The following MAGI1 variants were observed in gnomAD, a reference collection of about 807,000 sequenced individuals.
MAGI1 encodes membrane associated guanylate kinase, WW and PDZ domain containing 1, also known as membrane-associated guanylate kinase, WW and PDZ domain-containing protein 1.
Under a neutral mutation model 139.9 loss-of-function variants are expected in MAGI1, and 58 were observed. The ratio of observed to expected loss-of-function variants is 0.41; its 90% CI spans 0.34 to 0.52. MAGI1 has a LOEUF of 0.52. Ranked by LOEUF, MAGI1 falls within the 20% of genes least tolerant of loss-of-function variation. The pLI is 0.12. For synonymous variants in MAGI1, 812 were observed against 737.9 expected, an observed-to-expected ratio of 1.10 and a Z score of -1.63; for missense variants, 1,874 against 1,901.6, an observed-to-expected ratio of 0.99 and a Z score of 0.27.
intron 1 of MAGI1, among the ~76,000 whole-genome samples, chr3:65,709,134 A>G (rs546324445): frequency 6.6e-6 from 1 of 152,226 alleles, no homozygotes; most frequent in Non-Finnish European, 1.5e-5. Context: ...TATATACACT[A>G]CATGGCCGTT....
At chr3:65,579,215 C>T (rs150930264) in intron 2 of MAGI1, among the ~76,000 whole-genome samples, 1 of 152,220 alleles carries the variant, frequency 6.6e-6, no homozygotes, top group African/African-American at 2.4e-5. Flanking sequence ...GATAAGGTAA[C>T]AGAGGCTTAG....
intron 1 of MAGI1, among the ~76,000 whole-genome samples, chr3:65,981,120 CCAGCCTGGGTGA>C (rs1168452761): frequency 6.8e-6 from 1 of 146,422 alleles, no homozygotes; most frequent in Non-Finnish European, 1.5e-5. Flanking sequence ...CCACTGCACT[CCAGCCTGGGTGA>C]CAGAGTGAGA....
chr3:65,805,963 T>A (rs2040828289), intron 1 of MAGI1, among the ~76,000 whole-genome samples: 1 of 152,004 alleles, frequency 6.6e-6, no homozygotes, highest in Non-Finnish European at 1.5e-5. Context: ...AAGGAGAGCA[T>A]CAGGATAAAT....
At chr3:65,877,879 G>A (rs1471588220) in intron 1 of MAGI1, among the ~76,000 whole-genome samples, 8 of 152,124 alleles carry the variant, frequency 5.3e-5, no homozygotes, top group Admixed American at 5.2e-4. Flanking sequence ...AGTCAAGGTA[G>A]GAGGACTGCT....
At position 65,530,624 on chromosome 3, in the gene MAGI1, GGTGTGTGTGTGTGTGTGTGTGT is replaced by G. The variant is rs57337916; in HGVS notation, c.431-37015_431-36994del. Reference sequence around the variant, plus strand: ...GCAAGACACATACGTATGTGTGTGTGGTGTGTGTGTGTGTGTGTGTGTGTGTGTGTGTGTGTGTATATATATA... The same window carrying G: ...GCAAGACACATACGTATGTGTGTGTGGTGTGTGTGTGTGTGTATATATATA... On this transcript the variant is annotated intron_variant, in intron 2 of 22. Transcript: ENST00000402939. 7.4e-3 allele frequency among the ~76,000 whole-genome samples: 955 copies of G among 129,284 alleles called. 39 individuals are homozygous for G. Among genetic ancestry groups the G allele is most frequent in the African/African-American group, 0.03 (929 of 31,266 alleles). The allele number at this position is 129,284 out of a possible 152,430, so 84.8% of individuals were successfully genotyped here. A position where few individuals can be genotyped will look rare whatever the true frequency, so the allele number is the denominator to read the frequency against.
At chr3:65,896,645 A>AG (rs2060981849) in intron 1 of MAGI1, among the ~76,000 whole-genome samples, 2 of 152,178 alleles carry the variant, frequency 1.3e-5, no homozygotes, top group Admixed American at 6.5e-5. Flanking sequence ...ACTGCACTCC[A>AG]GGCAGGGCAT....
chr3:65,689,358 CAA>C (rs1370402813), intron 1 of MAGI1, among the ~76,000 whole-genome samples: 2 of 152,148 alleles, frequency 1.3e-5, no homozygotes, highest in Non-Finnish European at 2.9e-5. Flanking sequence ...TCAATTCTAC[CAA>C]AGTGTCCCAC....
chr3:65,429,634 G>A lies in MAGI1; in HGVS notation c.2053C>T (p.Leu685Phe). 6.2e-7 allele frequency: 1 copy of A among 1,613,898 alleles called. No homozygotes were observed. The highest frequency in any genetic ancestry group is 8.5e-7 in the Non-Finnish European group (1 of 1,179,930). The stretch of plus-strand genomic sequence containing the variant: ...TTCTTCTTATTAACTTCCACTATGA[G>A]ATCCCCTTCTTTCAGGCCTCGGCAC... The part of the protein sequence containing the change: ...PRCRGLKEGD[L>F]IVEVNKKNVQ... Residue 685 changes from leucine (L) to phenylalanine (F), a missense_variant, in exon 12 of 23, where the codon CTC becomes TTC. Transcript: ENST00000402939.
intron 1 of MAGI1, among the ~76,000 whole-genome samples, chr3:65,894,295 G>A (rs2060883148): frequency 6.6e-6 from 1 of 152,110 alleles, no homozygotes; most frequent in Non-Finnish European, 1.5e-5. Flanking sequence ...AATAAATAAT[G>A]GCACTAAGAT....
At chr3:65,922,267 T>G (rs1356643273) in intron 1 of MAGI1, among the ~76,000 whole-genome samples, 3 of 152,162 alleles carry the variant, frequency 2.0e-5, no homozygotes, top group East Asian at 3.9e-4. Context: ...CGGGGTTGAA[T>G]AGCATCCCCT....
At chr3:65,459,697 T>C (rs1236220499) in intron 5 of MAGI1, among the ~76,000 whole-genome samples, 1 of 151,992 alleles carries the variant, frequency 6.6e-6, no homozygotes, top group African/African-American at 2.4e-5. Context: ...CTGAGGCAGG[T>C]AGATTTCTTG....
At chr3:65,696,986 T>C (rs6778572) in intron 1 of MAGI1, among the ~76,000 whole-genome samples, 35,140 of 151,726 alleles carry the variant, frequency 0.23, 4,988 homozygotes, top group East Asian at 0.47. Flanking sequence ...GCAAGACTAA[T>C]AAAGAAGAAA....
At chr3:65,756,290 C>T (rs1425993117) in intron 1 of MAGI1, among the ~76,000 whole-genome samples, 1 of 152,058 alleles carries the variant, frequency 6.6e-6, no homozygotes, top group African/African-American at 2.4e-5. Context: ...TTTTACACAG[C>T]ATAAATAAGT....
intron 1 of MAGI1, among the ~76,000 whole-genome samples, chr3:65,636,399 A>G (rs1194137216): frequency 6.6e-6 from 1 of 152,152 alleles, no homozygotes; most frequent in Non-Finnish European, 1.5e-5. Flanking sequence ...TGCACACTCC[A>G]CTATTTTCAT....
intron 1 of MAGI1, among the ~76,000 whole-genome samples, chr3:65,672,889 T>C (rs1053300991): frequency 6.6e-6 from 1 of 152,224 alleles, no homozygotes; most frequent in Non-Finnish European, 1.5e-5. Flanking sequence ...AAAATTATAG[T>C]AGAAGGGAAT....
chr3:66,018,619 C>A (rs1311258130), intron 1 of MAGI1, among the ~76,000 whole-genome samples: 1 of 152,170 alleles, frequency 6.6e-6, no homozygotes, highest in Non-Finnish European at 1.5e-5. Flanking sequence ...GATCACCATC[C>A]CTTGTGGCTA....
chr3:66,036,506 G>A (rs916757206), intron 1 of MAGI1, among the ~76,000 whole-genome samples: 1 of 152,164 alleles, frequency 6.6e-6, no homozygotes, highest in Non-Finnish European at 1.5e-5. Flanking sequence ...GGAAGAATTT[G>A]TGCATCCTAG....
intron 1 of MAGI1, among the ~76,000 whole-genome samples, chr3:65,723,391 T>A (rs1275814786): frequency 6.6e-6 from 1 of 152,142 alleles, no homozygotes; most frequent in African/African-American, 2.4e-5. Flanking sequence ...TGTTAAGAGT[T>A]TCCCCACCCC....
At chr3:65,434,872 G>T (rs1947722464) in intron 10 of MAGI1, among the ~76,000 whole-genome samples, 1 of 152,202 alleles carries the variant, frequency 6.6e-6, no homozygotes, top group Admixed American at 6.6e-5. Flanking sequence ...AGAGTTCAGT[G>T]AGCCTGAACC....
Sources: allele counts gnomAD v4.1 joint callset (sites outside exome capture counted in the v4.1 genomes callset), GRCh38; gene constraint gnomAD v4.1.1; transcripts MANE v1.5; gene names NCBI Gene and HGNC (gene_info 2026-07-23, HGNC 2026-07-21).